PARD3: variants seen among roughly 807,000 people sequenced by gnomAD.
PARD3 encodes partitioning defective 3 homolog.
In PARD3, 75 loss-of-function variants were observed where a neutral mutation model predicts 155.4. The observed-to-expected ratio is 0.48, with a 90% CI of 0.40 to 0.58. The LOEUF is 0.58. Among genes scored for constraint, PARD3 ranks in the 20% least tolerant of loss-of-function variants. PARD3 has a pLI of 0.00. For synonymous variants in PARD3, 576 were observed against 610.5 expected, an observed-to-expected ratio of 0.94 and a Z score of 0.83; for missense variants, 1,642 against 1,721.7, an observed-to-expected ratio of 0.95 and a Z score of 0.82.
intron 15 of PARD3, chr10:34,345,785 T>TG: frequency 5.1e-6 from 5 of 985,422 alleles, no homozygotes; most frequent in Non-Finnish European, 6.0e-6. Flanking sequence ...GGTAACGTCT[T>TG]GAACAGGATT....
rs35872932 is a variant in PARD3 at position 34,657,231 on chromosome 10, C to CA, written c.222+39086dup. Among the ~76,000 whole-genome samples, 355 of 141,210 alleles carry CA rather than the reference C, an allele frequency of 2.5e-3. 1 individual carries two copies. The highest frequency in any genetic ancestry group is 7.2e-3 in the African/African-American group (276 of 38,466). The allele number at this position is 141,210 out of a possible 152,430, so 92.6% of individuals were successfully genotyped here. ...GCAACAGAGGAGATCCCACCTCTAC[C>CA]AAAAAAAAAAAAGTCAGAAAAGCCA... On this transcript the variant is annotated intron_variant, in intron 2 of 24. Coordinates refer to ENST00000374788, the MANE Select transcript of PARD3 (RefSeq NM_001184785.2).
chr10:34,315,176 A>G (rs951498345), intron 20 of PARD3, among the ~76,000 whole-genome samples: 1 of 152,186 alleles, frequency 6.6e-6, no homozygotes, highest in African/African-American at 2.4e-5. Context: ...AATGATCTAG[A>G]GAAAGCATCA....
chr10:34,605,430 T>C (rs1039950151), intron 2 of PARD3, among the ~76,000 whole-genome samples: 54 of 147,372 alleles, frequency 3.7e-4, no homozygotes, highest in Non-Finnish European at 6.9e-4. Context: ...CCTGACCTCA[T>C]GATCCGCCCA....
chr10:34,651,011 C>CCAAAAAAAAA (rs1404556380), intron 2 of PARD3, among the ~76,000 whole-genome samples: 2 of 44,520 alleles, frequency 4.5e-5, no homozygotes, highest in African/African-American at 8.8e-5. Flanking sequence ...AACTCTGTCT[C>CCAAAAAAAAA]AAAAAAAAAA....
At chr10:34,151,307 A>G (rs1347921430) in intron 22 of PARD3, among the ~76,000 whole-genome samples, 2 of 152,198 alleles carry the variant, frequency 1.3e-5, no homozygotes, top group Non-Finnish European at 2.9e-5. Flanking sequence ...GAGCCAAAGG[A>G]CAGTAAACTT....
chr10:34,246,997 G>A lies in PARD3; in HGVS notation c.3419+22660C>T, dbSNP rs562947575. On this transcript the variant is annotated intron_variant, in intron 22 of 24. Transcript: ENST00000374788. ...AGCTACTCAGGAGGCTGAGGTGGGA[G>A]GACTGCTGGAGCCCAAGAGTGTGAG... is the stretch of plus-strand genomic sequence containing the variant. Among the ~76,000 whole-genome samples the A allele has an allele frequency of 3.3e-5, 5 of 152,192 alleles. No homozygotes were observed. The South Asian group carries it at 1.0e-3, about 32-fold the overall frequency.
chr10:34,613,358 A>T (rs76287747), intron 2 of PARD3, among the ~76,000 whole-genome samples: 2 of 152,196 alleles, frequency 1.3e-5, no homozygotes, highest in African/African-American at 4.8e-5. Context: ...ACAAAGATAT[A>T]TAAAAAGAAA....
chr10:34,436,841 G>A (rs1040442366), intron 5 of PARD3, among the ~76,000 whole-genome samples: 5 of 152,202 alleles, frequency 3.3e-5, no homozygotes, highest in Admixed American at 6.5e-5. Context: ...ACAGGATACT[G>A]TAGTAGTATT....
At chr10:34,347,691 T>C (rs981975131) in intron 15 of PARD3, among the ~76,000 whole-genome samples, 1 of 152,240 alleles carries the variant, frequency 6.6e-6, no homozygotes, top group Non-Finnish European at 1.5e-5. Flanking sequence ...TCTTGATCAC[T>C]AGAAAACATT....
At chr10:34,792,300 G>A (rs1372410059) in intron 1 of PARD3, among the ~76,000 whole-genome samples, 1 of 152,064 alleles carries the variant, frequency 6.6e-6, no homozygotes, top group Non-Finnish European at 1.5e-5. Context: ...GCCCCGGCAG[G>A]TCTCACACTC....
intron 23 of PARD3, among the ~76,000 whole-genome samples, chr10:34,125,463 G>A (rs1305792731): frequency 6.6e-6 from 1 of 152,144 alleles, no homozygotes; most frequent in Non-Finnish European, 1.5e-5. Flanking sequence ...TTTGAGTCAA[G>A]GCATGGAGGC....
At chr10:34,688,537 C>T (rs1057279065) in intron 2 of PARD3, among the ~76,000 whole-genome samples, 2 of 152,162 alleles carry the variant, frequency 1.3e-5, no homozygotes, top group Non-Finnish European at 1.5e-5. Flanking sequence ...AGAGTAAACA[C>T]GACATCACTG....
chr10:34,112,473 A>G (rs1272550651), intron 24 of PARD3, among the ~76,000 whole-genome samples: 2 of 152,280 alleles, frequency 1.3e-5, no homozygotes, highest in Non-Finnish European at 2.9e-5. Flanking sequence ...GAAATAAAAC[A>G]ATTCTGTGCC....
chr10:34,261,284 AC>A (rs200958210), intron 22 of PARD3, among the ~76,000 whole-genome samples: 3,159 of 152,298 alleles, frequency 0.021, 109 homozygotes, highest in African/African-American at 0.071. Flanking sequence ...AATAAAAAAA[AC>A]ATTATTGACC....
At chr10:34,376,902 TA>T (rs932644686) in intron 10 of PARD3, among the ~76,000 whole-genome samples, 5 of 152,080 alleles carry the variant, frequency 3.3e-5, no homozygotes, top group Admixed American at 1.3e-4. Flanking sequence ...ATATTTTCTT[TA>T]AAAAAAACTA....
intron 9 of PARD3, among the ~76,000 whole-genome samples, chr10:34,381,065 T>A (rs1367044574): frequency 6.6e-6 from 1 of 152,178 alleles, no homozygotes; most frequent in Non-Finnish European, 1.5e-5. Flanking sequence ...GTCAACCAAG[T>A]ATTTAGAGCT....
chr10:34,309,547 C>CAA (rs1323865538), intron 20 of PARD3, among the ~76,000 whole-genome samples: 1 of 46,628 alleles, frequency 2.1e-5, no homozygotes, highest in Admixed American at 3.0e-4. Flanking sequence ...GACCCTGTCT[C>CAA]CAAAAAAAAA....
chr10:34,314,234 G>A (rs1957866443), intron 20 of PARD3, among the ~76,000 whole-genome samples: 1 of 151,908 alleles, frequency 6.6e-6, no homozygotes, highest in South Asian at 2.1e-4. Flanking sequence ...TCAACCTGAG[G>A]GTATATTCAT....
intron 2 of PARD3, among the ~76,000 whole-genome samples, chr10:34,675,282 T>C (rs1440281191): frequency 1.3e-5 from 2 of 152,228 alleles, no homozygotes; most frequent in Admixed American, 6.5e-5. Flanking sequence ...ATCATTCTGA[T>C]GGACTTCTAC....
Sources: allele counts gnomAD v4.1 joint callset (sites outside exome capture counted in the v4.1 genomes callset), GRCh38; gene constraint gnomAD v4.1.1; transcripts MANE v1.5; gene names NCBI Gene and HGNC (gene_info 2026-07-23, HGNC 2026-07-21).